Variants in CD247 observed in about 807,000 individuals in gnomAD.
CD247 encodes the protein CD247 molecule, also known as T-cell surface glycoprotein CD3 zeta chain.
Under a neutral mutation model 30.0 loss-of-function variants are expected in CD247, and 13 were observed. That is an observed-to-expected ratio of 0.43 (90% confidence interval 0.28 to 0.69). CD247 has a LOEUF of 0.69. Among genes scored for constraint, CD247 ranks in the 30% least tolerant of loss-of-function variants. The probability of loss-of-function intolerance (pLI) is 0.16; values close to 1 mark genes in which losing one functional copy is unlikely to be tolerated. For missense variants in CD247, 193 were observed against 212.6 expected, an observed-to-expected ratio of 0.91 and a Z score of 0.57; for synonymous variants, 72 against 80.0, an observed-to-expected ratio of 0.90 and a Z score of 0.53.
intron 1 of CD247, among the ~76,000 whole-genome samples, chr1:167,512,569 G>T (rs1655433022): frequency 6.6e-6 from 1 of 152,192 alleles, no homozygotes; most frequent in Non-Finnish European, 1.5e-5. Flanking sequence ...AGTATACACT[G>T]CAATGTAATG....
intron 1 of CD247, among the ~76,000 whole-genome samples, chr1:167,483,345 A>C (rs926453463): frequency 1.3e-5 from 2 of 152,144 alleles, no homozygotes; most frequent in African/African-American, 4.8e-5. Flanking sequence ...TTGATCAACC[A>C]CAGTGTCCAG....
chr1:167,438,736 C>T lies in CD247; in HGVS notation c.220-86G>A, dbSNP rs1050496155. The T allele has an allele frequency of 1.5e-5, 16 of 1,060,694 alleles. No homozygotes were observed. In the African/African-American group the frequency reaches 2.4e-4, roughly 16 times the overall value. 65.7% of individuals were successfully genotyped at this position (1,060,694 alleles called of 1,614,324 possible). ...CTGGACTGGGGAGTGTGGTTTCCCTCTCTGGGGTGGCTCATAAAAAGAGGG... is the reference window on the plus strand; with the variant it reads ...CTGGACTGGGGAGTGTGGTTTCCCTTTCTGGGGTGGCTCATAAAAAGAGGG... On this transcript the variant is annotated intron_variant, in intron 3 of 7. Transcript: ENST00000362089.
At chr1:167,516,688 A>C (rs1655618785) in intron 1 of CD247, among the ~76,000 whole-genome samples, 1 of 152,132 alleles carries the variant, frequency 6.6e-6, no homozygotes. Context: ...CTTTATCTAA[A>C]ATAGCTAAAA....
At chr1:167,509,333 C>T (rs1277790181) in intron 1 of CD247, among the ~76,000 whole-genome samples, 3 of 141,530 alleles carry the variant, frequency 2.1e-5, no homozygotes, top group Non-Finnish European at 4.5e-5. Context: ...CATTGCACTC[C>T]AGCCTAGTCA....
intron 1 of CD247, among the ~76,000 whole-genome samples, chr1:167,490,248 C>G (rs1247616528): frequency 2.0e-5 from 3 of 152,228 alleles, no homozygotes; most frequent in African/African-American, 7.2e-5. Context: ...TCTCCACCTT[C>G]CCCGTCATCT....
At chr1:167,476,163 G>A (rs1653736601) in intron 1 of CD247, among the ~76,000 whole-genome samples, 1 of 152,202 alleles carries the variant, frequency 6.6e-6, no homozygotes, top group African/African-American at 2.4e-5. Context: ...GGTGAGAAGT[G>A]AAGCGCTATA....
chr1:167,469,381 T>G (rs1288793989), intron 1 of CD247, among the ~76,000 whole-genome samples: 1 of 152,192 alleles, frequency 6.6e-6, no homozygotes, highest in Non-Finnish European at 1.5e-5. Context: ...TGGAGACGTA[T>G]TTGATTTTCA....
intron 1 of CD247, among the ~76,000 whole-genome samples, chr1:167,467,769 T>C (rs1284538653): frequency 6.6e-6 from 1 of 152,218 alleles, no homozygotes; most frequent in Non-Finnish European, 1.5e-5. Flanking sequence ...AGTTTGCTCG[T>C]ATCCCAGTGA....
At chr1:167,512,645 C>T (rs1655437698) in intron 1 of CD247, among the ~76,000 whole-genome samples, 1 of 152,214 alleles carries the variant, frequency 6.6e-6, no homozygotes, top group Non-Finnish European at 1.5e-5. Flanking sequence ...AAATGATATT[C>T]TATTTTGCAG....
chr1:167,431,296 G>A lies in CD247; in HGVS notation c.*385C>T, dbSNP rs2101982906. 1.7e-6 allele frequency: 1 copy of A among 571,878 alleles called. No individual in the cohort carries two copies. The highest frequency in any genetic ancestry group is 3.1e-6 in the Non-Finnish European group (1 of 323,780). 35.4% of individuals were successfully genotyped at this position (571,878 alleles called of 1,614,324 possible). On this transcript the variant is annotated 3_prime_UTR_variant, in exon 8 of 8. Coordinates refer to ENST00000362089, the MANE Select transcript of CD247 (RefSeq NM_198053.3). The stretch of plus-strand genomic sequence containing the variant: ...GAGTGAAGCCACTCAGACACAGAGT[G>A]ATACAGACATTAGGGCATGTGCTAG...
rs181080306 is a variant in CD247, at chr1:167,496,384, G to A, written c.58+22024C>T. On this transcript the variant is annotated intron_variant, in intron 1 of 7. Transcript: ENST00000362089. ...ATGTCTGACTGCTGCAACAGCTTGA[G>A]TCTGCTGGGGTCACACAAGAATCAC... Among the ~76,000 whole-genome samples the A allele has an allele frequency of 5.3e-5, 8 of 152,308 alleles. No homozygotes were observed. In the East Asian group the frequency reaches 1.5e-3, roughly 29 times the overall value.
intron 1 of CD247, among the ~76,000 whole-genome samples, chr1:167,478,917 G>T (rs1653859351): frequency 6.6e-6 from 1 of 152,150 alleles, no homozygotes. Flanking sequence ...ATTCACAGTG[G>T]TAATTTCTGA....
In CD247 at chr1:167,494,116, G is replaced by A. The variant is rs1654577548; in HGVS notation, c.58+24292C>T. Among the ~76,000 whole-genome samples, 1 of 151,594 alleles carries A rather than the reference G, an allele frequency of 6.6e-6. No homozygotes were observed. Among genetic ancestry groups the A allele is most frequent in the African/African-American group, 2.4e-5 (1 of 40,968 alleles). Reference sequence around the variant, plus strand: ...TGGACTGGGTACCCAGAGCTAATAGGAGAAGAGGACAAGCAGGGGGACAGA... The same window carrying A: ...TGGACTGGGTACCCAGAGCTAATAGAAGAAGAGGACAAGCAGGGGGACAGA... On this transcript the variant is annotated intron_variant, in intron 1 of 7. Transcript: ENST00000362089. The surrounding 1 kb of genome is among the most constrained non-coding windows in gnomAD (Gnocchi z 7.3).
chr1:167,461,901 C>T (rs1365685029), intron 1 of CD247, among the ~76,000 whole-genome samples: 4 of 152,130 alleles, frequency 2.6e-5, no homozygotes, highest in Non-Finnish European at 5.9e-5. Flanking sequence ...CCTTTTGTGT[C>T]CCCCACCCTC....
At chr1:167,514,068 C>T (rs996986684) in intron 1 of CD247, among the ~76,000 whole-genome samples, 2 of 152,212 alleles carry the variant, frequency 1.3e-5, no homozygotes, top group Non-Finnish European at 2.9e-5. Flanking sequence ...TTAATTTAAT[C>T]GTATGAAAAC....
chr1:167,498,090 C>T (rs867429493), intron 1 of CD247, among the ~76,000 whole-genome samples: 9 of 152,202 alleles, frequency 5.9e-5, no homozygotes, highest in African/African-American at 2.2e-4. Flanking sequence ...GTGGCATCTT[C>T]TGCCAGTCCT....
rs544614893 is a variant in CD247 at position 167,501,104 on chromosome 1, G to T, written c.58+17304C>A. 4.0e-5 allele frequency among the ~76,000 whole-genome samples: 6 copies of T among 150,520 alleles called. No individual in the cohort carries two copies. The South Asian group carries it at 1.3e-3, about 32-fold the overall frequency. ...AGTTTTGCACTTGTTGCCCAGGCTG[G>T]AGTGCAATGGCGCGATCTCGGCTCA... On this transcript the variant is annotated intron_variant, in intron 1 of 7. Coordinates refer to ENST00000362089, the MANE Select transcript of CD247 (RefSeq NM_198053.3).
At position 167,486,377 on chromosome 1, in the gene CD247, T is replaced by A. The variant is rs529659758; in HGVS notation, c.58+32031A>T. Reference sequence around the variant, plus strand: ...CAGGTCACTTAACCTCTCAGAGCACTGGAGCAAAATCGAGGGACTGGACAA... The same window carrying A: ...CAGGTCACTTAACCTCTCAGAGCACAGGAGCAAAATCGAGGGACTGGACAA... On this transcript the variant is annotated intron_variant, in intron 1 of 7. Coordinates refer to ENST00000362089, the MANE Select transcript of CD247 (RefSeq NM_198053.3). 1.1e-4 allele frequency among the ~76,000 whole-genome samples: 17 copies of A among 152,310 alleles called. No individual in the cohort carries two copies. In the South Asian group the frequency reaches 2.1e-3, roughly 19 times the overall value.
chr1:167,439,757 T>G (rs1651732887), intron 2 of CD247: 1 of 317,952 alleles, frequency 3.1e-6, no homozygotes, highest in African/African-American at 2.1e-5. Context: ...CTCCGGGGAC[T>G]CTGAGGACAA....
Sources: allele counts gnomAD v4.1 joint callset (sites outside exome capture counted in the v4.1 genomes callset), GRCh38; gene constraint gnomAD v4.1.1; non-coding constraint Gnocchi (gnomAD v3.1); transcripts MANE v1.5; gene names NCBI Gene and HGNC (gene_info 2026-07-23, HGNC 2026-07-21).